The following RSRC1 variants were observed in gnomAD, a reference collection of about 807,000 sequenced individuals.
The protein encoded by RSRC1 is serine/Arginine-related protein 53.
A neutral mutation model predicts 49.1 loss-of-function variants in RSRC1; 39 were observed. The observed-to-expected ratio is 0.79, with a 90% CI of 0.61 to 1.04. RSRC1 has a LOEUF of 1.04. Among genes scored for constraint, RSRC1 ranks in the 50% least tolerant of loss-of-function variants. The pLI is 0.00. For synonymous variants in RSRC1, 143 were observed against 130.8 expected (o/e 1.09, Z -0.63); for missense variants, 388 against 402.4 (o/e 0.96, Z 0.31).
intron 4 of RSRC1, among the ~76,000 whole-genome samples, chr3:158,233,543 TAG>T (rs1559954688): frequency 6.6e-6 from 1 of 152,176 alleles, no homozygotes; most frequent in Admixed American, 6.5e-5. Context: ...GTTTTGTATT[TAG>T]AGTGTTTTAA....
At chr3:158,457,894 T>C (rs1276850249) in intron 6 of RSRC1, among the ~76,000 whole-genome samples, 2 of 151,964 alleles carry the variant, frequency 1.3e-5, no homozygotes, top group African/African-American at 2.4e-5. Flanking sequence ...AAAAGAAGAG[T>C]AAATGTTTTA....
chr3:158,309,223 G>T (rs1728001613), intron 5 of RSRC1, among the ~76,000 whole-genome samples: 1 of 151,790 alleles, frequency 6.6e-6, no homozygotes, highest in Admixed American at 6.6e-5. Context: ...CTAGTAAAAT[G>T]CTGTTAGCGC....
chr3:158,460,441 T>C (rs1737550749), intron 6 of RSRC1, among the ~76,000 whole-genome samples: 1 of 151,834 alleles, frequency 6.6e-6, no homozygotes, highest in Admixed American at 6.6e-5. Context: ...AGAGATTCTT[T>C]TAACCAAATG....
At chr3:158,202,565 T>G (rs1460909637) in intron 3 of RSRC1, among the ~76,000 whole-genome samples, 1 of 137,234 alleles carries the variant, frequency 7.3e-6, no homozygotes, top group Non-Finnish European at 1.5e-5. Flanking sequence ...TGGTAGATTA[T>G]ATATATATAT....
At chr3:158,403,729 A>G (rs759645486) in intron 6 of RSRC1, among the ~76,000 whole-genome samples, 5 of 151,836 alleles carry the variant, frequency 3.3e-5, no homozygotes, top group Non-Finnish European at 7.4e-5. Flanking sequence ...TTTTACTAGC[A>G]TTGATTATTA....
chr3:158,348,422 T>A (rs1193798045), intron 5 of RSRC1, among the ~76,000 whole-genome samples: 3 of 152,134 alleles, frequency 2.0e-5, no homozygotes, highest in Non-Finnish European at 4.4e-5. Flanking sequence ...ATTTTGAGAA[T>A]CTAGATATGC....
intron 7 of RSRC1, among the ~76,000 whole-genome samples, chr3:158,506,919 T>C (rs1739886453): frequency 6.6e-6 from 1 of 151,590 alleles, no homozygotes; most frequent in African/African-American, 2.4e-5. Context: ...AAACAGTTTA[T>C]GGAAAAATAT....
chr3:158,536,169 A>G (rs1475578251), intron 7 of RSRC1, among the ~76,000 whole-genome samples: 2 of 151,526 alleles, frequency 1.3e-5, no homozygotes, highest in Non-Finnish European at 3.0e-5. Context: ...ACACAGCGTC[A>G]CCTATGACAT....
At chr3:158,371,672 C>T (rs931048767) in intron 6 of RSRC1, among the ~76,000 whole-genome samples, 2 of 151,870 alleles carry the variant, frequency 1.3e-5, no homozygotes, top group African/African-American at 2.4e-5. Context: ...TTATAACTTT[C>T]TCAAGTTAGA....
In RSRC1 at chr3:158,471,036, G is replaced by A. The variant is rs1204656489; in HGVS notation, c.652+10033G>A. On this transcript the variant is annotated intron_variant, in intron 7 of 9. Transcript: ENST00000611884. ...TTGGACAATGTTGGACTAGAGCCCA[G>A]GCTTTAAAAGTATGAGGCCATAGAG... 2.6e-5 allele frequency among the ~76,000 whole-genome samples: 4 copies of A among 152,184 alleles called. 1 individual carries two copies. Among genetic ancestry groups the A allele is most frequent in the African/African-American group, 9.6e-5 (4 of 41,458 alleles).
At chr3:158,314,735 T>C (rs533358768) in intron 5 of RSRC1, among the ~76,000 whole-genome samples, 2 of 152,270 alleles carry the variant, frequency 1.3e-5, no homozygotes, top group South Asian at 4.1e-4. Context: ...ATAAACATAG[T>C]TTAAGATATA....
At chr3:158,430,190 T>G (rs1735708869) in intron 6 of RSRC1, among the ~76,000 whole-genome samples, 1 of 151,934 alleles carries the variant, frequency 6.6e-6, no homozygotes, top group Non-Finnish European at 1.5e-5. Context: ...GCAATAGCAG[T>G]GACAGTGGTA....
At chr3:158,259,750 G>T (rs1292880713) in intron 4 of RSRC1, among the ~76,000 whole-genome samples, 1 of 152,138 alleles carries the variant, frequency 6.6e-6, no homozygotes, top group Non-Finnish European at 1.5e-5. Context: ...AATCTACTTA[G>T]TTCTCTGTTC....
chr3:158,286,327 T>G (rs1002176108), intron 4 of RSRC1, among the ~76,000 whole-genome samples: 2 of 152,266 alleles, frequency 1.3e-5, no homozygotes, highest in African/African-American at 4.8e-5. Flanking sequence ...TGTGATCTAC[T>G]GAATCTCTCT....
chr3:158,280,882 G>T (rs1435827831), intron 4 of RSRC1, among the ~76,000 whole-genome samples: 1 of 151,932 alleles, frequency 6.6e-6, no homozygotes, highest in Admixed American at 6.6e-5. Context: ...CCTGAGCTCA[G>T]GCAATCCACC....
At chr3:158,529,840 A>C (rs1254654149) in intron 7 of RSRC1, among the ~76,000 whole-genome samples, 1 of 151,940 alleles carries the variant, frequency 6.6e-6, no homozygotes, top group Non-Finnish European at 1.5e-5. Context: ...AAGTGACAAG[A>C]TCTCCCATCT....
intron 3 of RSRC1, among the ~76,000 whole-genome samples, chr3:158,139,752 G>A (rs1016592913): frequency 6.6e-6 from 1 of 151,244 alleles, no homozygotes; most frequent in African/African-American, 2.4e-5. Flanking sequence ...TCTTTCCTCA[G>A]CCTCCCGAGT....
chr3:158,389,122 G>C (rs1363259732), intron 6 of RSRC1, among the ~76,000 whole-genome samples: 1 of 152,130 alleles, frequency 6.6e-6, no homozygotes, highest in Admixed American at 6.5e-5. Context: ...ATCAAAGGAT[G>C]ATGTTGCCCC....
chr3:158,510,458 T>C (rs1395488215), intron 7 of RSRC1, among the ~76,000 whole-genome samples: 1 of 152,164 alleles, frequency 6.6e-6, no homozygotes, highest in Non-Finnish European at 1.5e-5. Context: ...CATAATCATA[T>C]TCTCCAAAGA....
Sources: allele counts gnomAD v4.1 joint callset (sites outside exome capture counted in the v4.1 genomes callset), GRCh38; gene constraint gnomAD v4.1.1; transcripts MANE v1.5; gene names NCBI Gene and HGNC (gene_info 2026-07-23, HGNC 2026-07-21).